The following ZNF503 variants were observed in gnomAD, a reference collection of about 807,000 sequenced individuals.
ZNF503 encodes zinc finger protein 503.
Under a neutral mutation model 34.4 loss-of-function variants are expected in ZNF503, and 15 were observed. That is an observed-to-expected ratio of 0.44 (90% CI 0.29 to 0.67). ZNF503 has a LOEUF of 0.67. Ranked by LOEUF, ZNF503 falls within the 30% of genes least tolerant of loss-of-function variation. The pLI is 0.13. For synonymous variants in ZNF503, 580 were observed against 456.8 expected, an observed-to-expected ratio of 1.27 and a Z score of -3.44; for missense variants, 1,007 against 926.8, an observed-to-expected ratio of 1.09 and a Z score of -1.12.
At chr10:75,389,403 C>T in the ZNF503 span, among the ~76,000 whole-genome samples, 1 of 152,184 alleles carries the variant, frequency 6.6e-6, no homozygotes, top group Admixed American at 6.5e-5. Flanking sequence ...CGCTGGGCCA[C>T]CTCTTTGTAG....
chr10:75,398,678 G>GA lies in ZNF503; in HGVS notation c.*70dup, dbSNP rs1843734759. 3 of 1,291,530 alleles carry GA rather than the reference G, an allele frequency of 2.3e-6. No individual in the cohort carries two copies. The East Asian group carries it at 9.0e-5, about 39-fold the overall frequency. The allele number at this position is 1,291,530 out of a possible 1,614,324, so 80.0% of individuals were successfully genotyped here. A position where few individuals can be genotyped will look rare whatever the true frequency, so the allele number is the denominator to read the frequency against. On this transcript the variant is annotated 3_prime_UTR_variant, in exon 2 of 2. Transcript: ENST00000372524. ...CGCGGGTGTCAGCAGCCTGGGCCGT[G>GA]ATCCCGCCTCTCCCTGGACTCCTCC...
At chr10:75,379,575 C>A in the ZNF503 span, among the ~76,000 whole-genome samples, 1 of 152,176 alleles carries the variant, frequency 6.6e-6, no homozygotes, top group Non-Finnish European at 1.5e-5. Context: ...AGCAGTTCTG[C>A]CCAGCACGGA....
At chr10:75,345,695 G>A in the ZNF503 span, among the ~76,000 whole-genome samples, 2 of 151,906 alleles carry the variant, frequency 1.3e-5, no homozygotes, top group East Asian at 1.9e-4. Flanking sequence ...ACCCCAGAGG[G>A]GAGCTCACCA....
chr10:75,337,191 G>C, the ZNF503 span, among the ~76,000 whole-genome samples: 1 of 151,940 alleles, frequency 6.6e-6, no homozygotes, highest in Non-Finnish European at 1.5e-5. Context: ...GGGCGTGGTG[G>C]TGCGTGCCTG....
chr10:75,309,158 T>C, the ZNF503 span, among the ~76,000 whole-genome samples: 4 of 152,194 alleles, frequency 2.6e-5, no homozygotes, highest in African/African-American at 9.7e-5. Context: ...TTGCTTCTTA[T>C]GGATGAGCAA....
rs1324852914 is a variant in ZNF503, at chr10:75,399,801, G to A, written c.889C>T (p.His297Tyr). Reference sequence around the variant, plus strand: ...TTGCCTCCCGGGCCCCCATCCGGATGCTGGTTCACATCCACATTAATCCCG... The same window carrying A: ...TTGCCTCCCGGGCCCCCATCCGGATACTGGTTCACATCCACATTAATCCCG... ...GGGINVDVNQHPDGGPGGKAL... is the reference protein window; with the variant it reads ...GGGINVDVNQYPDGGPGGKAL... The change falls in exon 2 of 2, where the codon CAT (histidine) becomes TAT (tyrosine). Residue 297 changes from histidine (H) to tyrosine (Y), a missense_variant. Transcript: ENST00000372524. The A allele has an allele frequency of 6.2e-7, 1 of 1,601,048 alleles. No individual in the cohort carries two copies. The highest frequency in any genetic ancestry group is 8.5e-7 in the Non-Finnish European group (1 of 1,176,286).
At chr10:75,358,003 G>A in the ZNF503 span, among the ~76,000 whole-genome samples, 1 of 152,198 alleles carries the variant, frequency 6.6e-6, no homozygotes, top group East Asian at 1.9e-4. Context: ...GGTGCTCAGT[G>A]CACCATTGGA....
the ZNF503 span, among the ~76,000 whole-genome samples, chr10:75,351,550 A>T: frequency 6.6e-6 from 1 of 152,086 alleles, no homozygotes; most frequent in Non-Finnish European, 1.5e-5. Context: ...CACTTTTCAT[A>T]CCCAGGGAAG....
chr10:75,389,433 A>C, the ZNF503 span, among the ~76,000 whole-genome samples: 10 of 152,164 alleles, frequency 6.6e-5, no homozygotes, highest in African/African-American at 2.4e-4. Flanking sequence ...GGTAGGGTTA[A>C]AAGTCGCTCA....
the ZNF503 span, among the ~76,000 whole-genome samples, chr10:75,292,467 T>C: frequency 2.6e-5 from 4 of 152,352 alleles, no homozygotes; most frequent in African/African-American, 9.6e-5. Flanking sequence ...CTGCGATACA[T>C]TGGCTTCTTC....
rs1843730755 is a variant in ZNF503 at position 75,398,508 on chromosome 10, T to C, written c.*241A>G. On this transcript the variant is annotated 3_prime_UTR_variant, in exon 2 of 2. Transcript: ENST00000372524. ...CTTTTTTTTTCTATAAAAAGTCAAA[T>C]GATATTTTTTCAACTTTTATAAAGT... 2.6e-6 allele frequency: 1 copy of C among 388,828 alleles called. No homozygotes were observed. The highest frequency in any genetic ancestry group is 2.1e-5 in the African/African-American group (1 of 48,304). 24.1% of individuals were successfully genotyped at this position (388,828 alleles called of 1,614,324 possible).
chr10:75,332,931 G>A, the ZNF503 span, among the ~76,000 whole-genome samples: 4 of 141,588 alleles, frequency 2.8e-5, no homozygotes, highest in African/African-American at 8.2e-5. Context: ...CACCTTTCCC[G>A]CCTTTCTATT....
chr10:75,394,720 G>C (rs1197569422), downstream of ZNF503, among the ~76,000 whole-genome samples: 1 of 152,220 alleles, frequency 6.6e-6, no homozygotes, highest in Non-Finnish European at 1.5e-5. Context: ...GTCAGAGCAG[G>C]GGGTGGCTTC....
the ZNF503 span, among the ~76,000 whole-genome samples, chr10:75,391,604 T>C: frequency 2.0e-5 from 3 of 152,210 alleles, no homozygotes; most frequent in Non-Finnish European, 2.9e-5. Context: ...GCCCTGAGTT[T>C]TGAGCTTCAG....
chr10:75,294,752 C>T, the ZNF503 span, among the ~76,000 whole-genome samples: 1 of 126,212 alleles, frequency 7.9e-6, no homozygotes, highest in Admixed American at 7.2e-5. Context: ...CGGCGGGGAG[C>T]CCGGAGAGAA....
chr10:75,282,959 T>C, the ZNF503 span, among the ~76,000 whole-genome samples: 3 of 152,242 alleles, frequency 2.0e-5, no homozygotes, highest in African/African-American at 7.2e-5. Context: ...GTTGCCTACA[T>C]GTTCAATGTG....
At chr10:75,281,037 T>C in the ZNF503 span, among the ~76,000 whole-genome samples, 2 of 152,094 alleles carry the variant, frequency 1.3e-5, no homozygotes, top group African/African-American at 2.4e-5. Context: ...ACACAAAGCC[T>C]GCTGTGTGAT....
the ZNF503 span, among the ~76,000 whole-genome samples, chr10:75,369,450 T>C: frequency 6.6e-6 from 1 of 152,196 alleles, no homozygotes; most frequent in Non-Finnish European, 1.5e-5. Context: ...TATAAGGGGC[T>C]TCCCCCTTCA....
At chr10:75,330,119 T>C in the ZNF503 span, among the ~76,000 whole-genome samples, 1 of 152,182 alleles carries the variant, frequency 6.6e-6, no homozygotes, top group African/African-American at 2.4e-5. Flanking sequence ...GATCATATGG[T>C]TTTTGTCCTT....
Sources: gnomAD v4.1 joint callset for allele counts (sites outside exome capture counted in the v4.1 genomes callset) on GRCh38, gnomAD v4.1.1 for gene constraint, MANE v1.5 for transcripts, NCBI Gene and HGNC (gene_info 2026-07-23, HGNC 2026-07-21) for gene names.